Variants in TMEM132B observed in about 807,000 individuals in gnomAD.
TMEM132B encodes transmembrane protein 132B.
In TMEM132B, 18 loss-of-function variants were observed where a neutral mutation model predicts 90.8. That is an observed-to-expected ratio of 0.20 (90% CI 0.14 to 0.29). The LOEUF is 0.29. TMEM132B is among the 10% of genes least tolerant of loss of function. The pLI, the probability that TMEM132B is intolerant of heterozygous loss-of-function variation, is 1.00. For synonymous variants in TMEM132B, 504 were observed against 523.3 expected, an observed-to-expected ratio of 0.96 and a Z score of 0.50; for missense variants, 1,096 against 1,326.8, an observed-to-expected ratio of 0.83 and a Z score of 2.70.
Position 125,430,588 on chromosome 12 carries a change from C to A in TMEM132B, c.1106+14911C>A, listed in dbSNP as rs148453881. On this transcript the variant is annotated intron_variant, in intron 3 of 8. Coordinates refer to ENST00000682704, the MANE Select transcript of TMEM132B (RefSeq NM_001366854.1). ...TGGTAGGTTGATGGCCTGGGCAGCA[C>A]AGAAGTCACAGAATCCAGCCGAGCT... is the stretch of plus-strand genomic sequence containing the variant. Among the ~76,000 whole-genome samples, 17 of 152,248 alleles carry A rather than the reference C, an allele frequency of 1.1e-4. 1 individual carries two copies. The highest frequency in any genetic ancestry group is 1.1e-3 in the Admixed American group (17 of 15,302).
At chr12:125,590,519 G>T (rs934732848) in intron 5 of TMEM132B, among the ~76,000 whole-genome samples, 3 of 152,148 alleles carry the variant, frequency 2.0e-5, no homozygotes, top group Admixed American at 6.5e-5. Context: ...AAGGTAGAAG[G>T]TTCCCTGTAG....
chr12:125,505,038 A>G (rs762938241), intron 3 of TMEM132B, among the ~76,000 whole-genome samples: 2 of 152,068 alleles, frequency 1.3e-5, no homozygotes, highest in Non-Finnish European at 2.9e-5. Flanking sequence ...AAGTAACAAC[A>G]TGATTCTTCA....
At chr12:125,469,512 G>A (rs1197453660) in intron 3 of TMEM132B, among the ~76,000 whole-genome samples, 1 of 152,108 alleles carries the variant, frequency 6.6e-6, no homozygotes, top group East Asian at 1.9e-4. Flanking sequence ...GTGCTGCCTT[G>A]GGAGGGGAGT....
At chr12:125,386,746 T>A (rs191120980) in intron 2 of TMEM132B, among the ~76,000 whole-genome samples, 1 of 152,154 alleles carries the variant, frequency 6.6e-6, no homozygotes, top group African/African-American at 2.4e-5. Flanking sequence ...AATAGAAAGG[T>A]TTTTCCTGGA....
intron 5 of TMEM132B, chr12:125,586,641 T>A (rs1885184987): frequency 6.6e-6 from 1 of 152,272 alleles, no homozygotes; most frequent in South Asian, 2.1e-4. Flanking sequence ...GGCATATCCA[T>A]GCTGTAGATA....
intron 1 of TMEM132B, among the ~76,000 whole-genome samples, chr12:125,227,032 C>T (rs1873696286): frequency 6.6e-6 from 1 of 152,122 alleles, no homozygotes. Context: ...TAAGGATGTT[C>T]CCGGTATGTG....
intron 3 of TMEM132B, among the ~76,000 whole-genome samples, chr12:125,470,419 C>T (rs973766305): frequency 1.3e-5 from 2 of 151,830 alleles, no homozygotes; most frequent in Admixed American, 1.3e-4. Context: ...TCTCCCTGCC[C>T]TCTCCTGCTA....
intron 4 of TMEM132B, among the ~76,000 whole-genome samples, chr12:125,520,208 G>T (rs11058218): frequency 0.068 from 10,279 of 152,246 alleles, 500 homozygotes; most frequent in East Asian, 0.27. Context: ...GTCAAGCTCA[G>T]GGGCTACATC....
chr12:125,190,584 GA>G (rs1957793408), intron 1 of TMEM132B, among the ~76,000 whole-genome samples: 2 of 120,572 alleles, frequency 1.7e-5, no homozygotes, highest in African/African-American at 3.3e-5. Context: ...AAGGGGTGAT[GA>G]TGGTGATGAT....
At chr12:125,455,088 T>A (rs1394063883) in intron 3 of TMEM132B, among the ~76,000 whole-genome samples, 1 of 152,100 alleles carries the variant, frequency 6.6e-6, no homozygotes, top group Non-Finnish European at 1.5e-5. Flanking sequence ...TCAAGGGAAT[T>A]CTGGAGTGAT....
chr12:125,390,273 A>G (rs913075611), intron 2 of TMEM132B, among the ~76,000 whole-genome samples: 9 of 152,274 alleles, frequency 5.9e-5, no homozygotes, highest in African/African-American at 2.2e-4. Flanking sequence ...AATAAGCCAC[A>G]GTATATTCAT....
At chr12:125,296,091 C>A (rs1057281879) in intron 1 of TMEM132B, among the ~76,000 whole-genome samples, 2 of 152,200 alleles carry the variant, frequency 1.3e-5, no homozygotes, top group East Asian at 3.9e-4. Context: ...CCTTCTGATA[C>A]CCGAGTCTGA....
intron 4 of TMEM132B, among the ~76,000 whole-genome samples, chr12:125,550,239 C>T (rs1158925320): frequency 6.6e-6 from 1 of 152,220 alleles, no homozygotes; most frequent in Non-Finnish European, 1.5e-5. Flanking sequence ...CAGCCATACC[C>T]ACTCATGAGG....
In TMEM132B at chr12:125,515,388, C is replaced by A. The variant is rs1291477088; in HGVS notation, c.1107-4051C>A. Among the ~76,000 whole-genome samples, 3 of 93,904 alleles carry A rather than the reference C, an allele frequency of 3.2e-5. No homozygotes were observed. In the East Asian group the frequency reaches 2.3e-3, roughly 73 times the overall value. The allele number at this position is 93,904 out of a possible 152,430, so 61.6% of individuals were successfully genotyped here. On this transcript the variant is annotated intron_variant, in intron 3 of 8. Coordinates refer to ENST00000682704, the MANE Select transcript of TMEM132B (RefSeq NM_001366854.1). Reference sequence around the variant, plus strand: ...CACATTCACTCACACCTCTTTCACACATTCTCTCACAAATACATTCAAACA... The same window carrying A: ...CACATTCACTCACACCTCTTTCACAAATTCTCTCACAAATACATTCAAACA...
Position 125,350,339 on chromosome 12 carries a change from C to G in TMEM132B, c.955C>G (p.Leu319Val). Residue 319 changes from leucine to valine, a missense_variant, in exon 2 of 9, where the codon CTT (leucine) becomes GTT (valine). Transcript: ENST00000682704. ...TSSSVADQFT[L>V]RIKAAAGVKI... is the part of the protein sequence containing the mutation. ...TAGCTCTGTGGCAGACCAGTTCACT[C>G]TTAGGTAAGAGGCTTTGCCAGGTGG... The G allele has an allele frequency of 6.2e-7, 1 of 1,610,250 alleles. No individual in the cohort carries two copies. Among genetic ancestry groups the G allele is most frequent in the Non-Finnish European group, 8.5e-7 (1 of 1,178,546 alleles).
intron 1 of TMEM132B, among the ~76,000 whole-genome samples, chr12:125,201,213 G>T (rs1225213847): frequency 1.3e-5 from 2 of 152,162 alleles, no homozygotes; most frequent in East Asian, 3.8e-4. Flanking sequence ...TGTCGGCCTT[G>T]CTGTTTGCAC....
rs571650709 is a variant in TMEM132B at position 125,206,051 on chromosome 12, CTG to C, written c.67+19188_67+19189del. 1.2e-4 allele frequency among the ~76,000 whole-genome samples: 18 copies of C among 152,196 alleles called. No homozygotes were observed. In the South Asian group the frequency reaches 2.7e-3, roughly 23 times the overall value. ...TTAGCTCCTGGATTCTTCAGAAAGGCTGTGAGTGGTGGGATAGAGGGTGGGAC... is the reference window on the plus strand; with the variant it reads ...TTAGCTCCTGGATTCTTCAGAAAGGCTGAGTGGTGGGATAGAGGGTGGGAC... On this transcript the variant is annotated intron_variant, in intron 1 of 8. Coordinates refer to ENST00000682704, the MANE Select transcript of TMEM132B (RefSeq NM_001366854.1).
intron 4 of TMEM132B, among the ~76,000 whole-genome samples, chr12:125,543,880 T>C (rs1884022175): frequency 1.3e-5 from 2 of 152,196 alleles, no homozygotes; most frequent in Admixed American, 6.5e-5. Flanking sequence ...ATCATTCTAT[T>C]ATAAAGATAC....
chr12:125,250,099 C>T (rs114101541), intron 1 of TMEM132B, among the ~76,000 whole-genome samples: 1,632 of 152,350 alleles, frequency 0.011, 31 homozygotes, highest in African/African-American at 0.037. Context: ...ACCCTGGGCA[C>T]GGGCAGGTCA....
Sources: gnomAD v4.1 joint callset for allele counts (sites outside exome capture counted in the v4.1 genomes callset) on GRCh38, gnomAD v4.1.1 for gene constraint, MANE v1.5 for transcripts, NCBI Gene and HGNC (gene_info 2026-07-23, HGNC 2026-07-21) for gene names.